The following NMNAT3 variants were observed in gnomAD, a reference collection of about 807,000 sequenced individuals.
The protein encoded by NMNAT3 is nicotinamide/nicotinic acid mononucleotide adenylyltransferase 3.
In NMNAT3, 21 loss-of-function variants were observed where a neutral mutation model predicts 24.8. That is an observed-to-expected ratio of 0.85 (90% CI 0.60 to 1.22). The LOEUF is 1.22. NMNAT3 is among the 50% of genes most tolerant of loss of function. The pLI is 0.00. For missense variants in NMNAT3, 387 were observed against 436.6 expected (o/e 0.89, Z 1.01); for synonymous variants, 136 against 155.2 (o/e 0.88, Z 0.92).
intron 1 of NMNAT3, among the ~76,000 whole-genome samples, chr3:139,670,248 G>C (rs138738849): frequency 2.0e-5 from 3 of 152,312 alleles, no homozygotes; most frequent in Non-Finnish European, 4.4e-5. Context: ...CTGAGCCCCA[G>C]GCCTCATCGT....
intron 3 of NMNAT3, among the ~76,000 whole-genome samples, chr3:139,612,167 C>A (rs1437222747): frequency 2.3e-3 from 289 of 127,970 alleles, no homozygotes; most frequent in South Asian, 3.3e-3. Context: ...AACTCCGTCT[C>A]AAAAAAAAAA....
chr3:139,668,586 C>T (rs1445445603), intron 1 of NMNAT3, among the ~76,000 whole-genome samples: 1 of 152,190 alleles, frequency 6.6e-6, no homozygotes, highest in Non-Finnish European at 1.5e-5. Flanking sequence ...AAACCAGCTG[C>T]CTCTTGAATT....
At position 139,628,871 on chromosome 3, in the gene NMNAT3, C is replaced by T. The variant is rs181935511; in HGVS notation, c.-40-1107G>A. Among the ~76,000 whole-genome samples the T allele has an allele frequency of 3.9e-5, 6 of 152,240 alleles. No individual in the cohort carries two copies. The East Asian group carries it at 5.8e-4, about 15-fold the overall frequency. The stretch of plus-strand genomic sequence containing the variant: ...AGTTACATATGGAAAGTGCCTGATA[C>T]GTAAGAAGCATTTAATAAATAATCA... On this transcript the variant is annotated intron_variant, in intron 2 of 6. Transcript: ENST00000643695.
chr3:139,668,096 T>C (rs1257102970), intron 1 of NMNAT3, among the ~76,000 whole-genome samples: 1 of 152,114 alleles, frequency 6.6e-6, no homozygotes, highest in East Asian at 1.9e-4. Flanking sequence ...GGGAAGAATC[T>C]TGGGGATGCC....
At position 139,627,771 on chromosome 3, in the gene NMNAT3, TG is replaced by T; in HGVS notation, c.-40-8del. 1 of 1,168,384 alleles carries T rather than the reference TG, an allele frequency of 8.6e-7. No individual in the cohort carries two copies. The highest frequency in any genetic ancestry group is 1.2e-6 in the Non-Finnish European group (1 of 818,350). 72.4% of individuals were successfully genotyped at this position (1,168,384 alleles called of 1,614,324 possible). On this transcript the variant is annotated splice_region_variant and splice_polypyrimidine_tract_variant and intron_variant, in intron 2 of 6. Coordinates refer to ENST00000643695, the MANE Select transcript of NMNAT3 (RefSeq NM_001320510.2). Reference sequence around the variant, plus strand: ...TGTTGCAGTGGCCACCCTGCTTTTATGGGGACAAAAGCTCATGTCAGGGAGT... The same window carrying T: ...TGTTGCAGTGGCCACCCTGCTTTTATGGGACAAAAGCTCATGTCAGGGAGT...
intron 3 of NMNAT3, among the ~76,000 whole-genome samples, chr3:139,622,801 A>G: frequency 7.0e-6 from 1 of 142,128 alleles, no homozygotes; most frequent in South Asian, 2.1e-4. Context: ...GATATATATG[A>G]TATATATATA....
At chr3:139,608,687 G>C (rs2055054357) in intron 3 of NMNAT3, among the ~76,000 whole-genome samples, 1 of 152,104 alleles carries the variant, frequency 6.6e-6, no homozygotes. Context: ...TCACAACCAG[G>C]ATATTCAGAT....
At chr3:139,567,661 T>A (rs1937460707) in intron 6 of NMNAT3, 1 of 152,264 alleles carries the variant, frequency 6.6e-6, no homozygotes, top group African/African-American at 2.4e-5. Context: ...TTGCATATGT[T>A]GAACCAGCCT....
chr3:139,622,780 G>A (rs540159417), intron 3 of NMNAT3, among the ~76,000 whole-genome samples: 3 of 135,868 alleles, frequency 2.2e-5, no homozygotes, highest in East Asian at 2.1e-4. Context: ...TCATATATAT[G>A]ATATATATAT....
chr3:139,585,752 A>G (rs1398921211), intron 3 of NMNAT3, among the ~76,000 whole-genome samples: 1 of 152,164 alleles, frequency 6.6e-6, no homozygotes, highest in Non-Finnish European at 1.5e-5. Flanking sequence ...GGGATATTTT[A>G]TTCTTTCACT....
intron 6 of NMNAT3, among the ~76,000 whole-genome samples, chr3:139,573,010 T>C (rs1354630286): frequency 1.3e-5 from 2 of 152,226 alleles, no homozygotes; most frequent in Non-Finnish European, 2.9e-5. Flanking sequence ...TTATGCATTT[T>C]GCCCTTGACA....
intron 2 of NMNAT3, among the ~76,000 whole-genome samples, chr3:139,631,824 C>A (rs1258864303): frequency 6.6e-6 from 1 of 152,206 alleles, no homozygotes; most frequent in South Asian, 2.1e-4. Flanking sequence ...ACTGCCCTCA[C>A]CACCATGCTA....
chr3:139,625,166 TTTAA>T (rs780296861), intron 3 of NMNAT3, among the ~76,000 whole-genome samples: 1 of 152,228 alleles, frequency 6.6e-6, no homozygotes, highest in Non-Finnish European at 1.5e-5. Context: ...TCAGCTTTCT[TTTAA>T]TTAGTGTTAG....
intron 1 of NMNAT3, among the ~76,000 whole-genome samples, chr3:139,664,813 T>C (rs895180728): frequency 3.8e-4 from 58 of 152,356 alleles, no homozygotes; most frequent in African/African-American, 1.4e-3. Context: ...AAAATTAGAA[T>C]TTTTCCTCCT....
intron 1 of NMNAT3, among the ~76,000 whole-genome samples, chr3:139,666,586 G>C (rs1429633756): frequency 6.6e-6 from 1 of 152,010 alleles, no homozygotes; most frequent in Non-Finnish European, 1.5e-5. Flanking sequence ...TCTTTATGTT[G>C]GGAACATTCC....
chr3:139,627,386 C>G (rs2056098602), intron 3 of NMNAT3, among the ~76,000 whole-genome samples: 1 of 151,860 alleles, frequency 6.6e-6, no homozygotes, highest in Admixed American at 6.6e-5. Flanking sequence ...GTGAGGTGGG[C>G]AGGGAGGGGA....
intron 1 of NMNAT3, among the ~76,000 whole-genome samples, chr3:139,658,366 G>A (rs1032595732): frequency 1.3e-5 from 2 of 152,144 alleles, no homozygotes; most frequent in South Asian, 2.1e-4. Flanking sequence ...CTGCCCTCGC[G>A]ATCCCAGCTC....
intron 4 of NMNAT3, among the ~76,000 whole-genome samples, chr3:139,581,420 A>G (rs1293929966): frequency 1.3e-5 from 2 of 152,064 alleles, no homozygotes; most frequent in Non-Finnish European, 2.9e-5. Flanking sequence ...GAAATAGTAG[A>G]AAATGGGAAA....
chr3:139,622,372 G>A (rs1199605002), intron 3 of NMNAT3, among the ~76,000 whole-genome samples: 2 of 148,960 alleles, frequency 1.3e-5, no homozygotes, highest in African/African-American at 5.0e-5. Flanking sequence ...ATGGACGATT[G>A]TATATTTTTT....
Sources: allele counts gnomAD v4.1 joint callset (sites outside exome capture counted in the v4.1 genomes callset), GRCh38; gene constraint gnomAD v4.1.1; transcripts MANE v1.5; gene names NCBI Gene and HGNC (gene_info 2026-07-23, HGNC 2026-07-21).